Variants in LY86 observed in about 807,000 individuals in gnomAD.
LY86 encodes lymphocyte antigen 86, also known as MD-1, RP105-associated.
Under a neutral mutation model 17.3 loss-of-function variants are expected in LY86, and 20 were observed. The ratio of observed to expected loss-of-function variants is 1.15; its 90% CI spans 0.81 to 1.68. LY86 has a LOEUF of 1.68. Ranked by LOEUF, LY86 falls within the 40% of genes most tolerant of loss-of-function variation. The pLI, the probability that LY86 is intolerant of heterozygous loss-of-function variation, is 0.00. For synonymous variants in LY86, 74 were observed against 70.6 expected (o/e 1.05, Z -0.24); for missense variants, 200 against 191.9 (o/e 1.04, Z -0.25).
At chr6:6,652,201 G>A (rs1052435893) in intron 4 of LY86, among the ~76,000 whole-genome samples, 4 of 152,042 alleles carry the variant, frequency 2.6e-5, no homozygotes, top group Non-Finnish European at 4.4e-5. Flanking sequence ...TGCCCAGTGT[G>A]AGGGCATCGC....
At chr6:6,632,998 G>C (rs948506671) in intron 3 of LY86, among the ~76,000 whole-genome samples, 1 of 152,144 alleles carries the variant, frequency 6.6e-6, no homozygotes, top group Admixed American at 6.5e-5. Context: ...TTTATCAAGC[G>C]TTCAACACAT....
At chr6:6,605,462 G>A (rs776428378) in intron 1 of LY86, among the ~76,000 whole-genome samples, 5 of 152,216 alleles carry the variant, frequency 3.3e-5, no homozygotes, top group East Asian at 1.9e-4. Context: ...GGCTGTTACT[G>A]GAGTTCAAGT....
intron 4 of LY86, among the ~76,000 whole-genome samples, chr6:6,653,537 C>T (rs544213963): frequency 6.6e-6 from 1 of 152,194 alleles, no homozygotes; most frequent in South Asian, 2.1e-4. Context: ...GGCTCTTCTA[C>T]AGTCCTCATA....
chr6:6,604,893 T>C (rs1761048943), intron 1 of LY86, among the ~76,000 whole-genome samples: 1 of 150,776 alleles, frequency 6.6e-6, no homozygotes, highest in African/African-American at 2.4e-5. Flanking sequence ...AGTTATAGAC[T>C]GACAGCTGGC....
At chr6:6,634,457 A>G (rs1761935354) in intron 3 of LY86, among the ~76,000 whole-genome samples, 1 of 152,240 alleles carries the variant, frequency 6.6e-6, no homozygotes, top group African/African-American at 2.4e-5. Flanking sequence ...AGTCTGGCAT[A>G]ATATTGCCCA....
At chr6:6,598,912 C>T (rs1189566513) in intron 1 of LY86, among the ~76,000 whole-genome samples, 1 of 152,212 alleles carries the variant, frequency 6.6e-6, no homozygotes, top group Non-Finnish European at 1.5e-5. Flanking sequence ...ATTGACCTGT[C>T]TTTCCATTTG....
At chr6:6,609,226 T>A (rs113098053) in intron 1 of LY86, among the ~76,000 whole-genome samples, 2,637 of 152,228 alleles carry the variant, frequency 0.017, 83 homozygotes, top group African/African-American at 0.059. Context: ...CCTCCCTCCT[T>A]CCTGTCCAGG....
At chr6:6,589,207 T>C (rs1025780792) in intron 1 of LY86, among the ~76,000 whole-genome samples, 6 of 152,148 alleles carry the variant, frequency 3.9e-5, no homozygotes, top group African/African-American at 1.4e-4. Context: ...AGCTGAAAAT[T>C]AGGAAAAGCA....
chr6:6,635,965 C>T (rs1157196623), intron 3 of LY86, among the ~76,000 whole-genome samples: 4 of 152,334 alleles, frequency 2.6e-5, no homozygotes, highest in South Asian at 2.1e-4. Flanking sequence ...GCAGTGCTGC[C>T]GCTGGAGAGC....
At chr6:6,605,960 C>G (rs771758794) in intron 1 of LY86, among the ~76,000 whole-genome samples, 4 of 151,862 alleles carry the variant, frequency 2.6e-5, no homozygotes, top group Non-Finnish European at 4.4e-5. Flanking sequence ...ATAAAAGAAG[C>G]GTGGACCCAA....
intron 2 of LY86, among the ~76,000 whole-genome samples, chr6:6,625,775 G>A (rs946278215): frequency 2.0e-5 from 3 of 152,152 alleles, no homozygotes; most frequent in Non-Finnish European, 2.9e-5. Context: ...GAGAAAAAGC[G>A]AGAAAAGAGA....
At chr6:6,617,355 T>C (rs1761578142) in intron 1 of LY86, among the ~76,000 whole-genome samples, 1 of 152,154 alleles carries the variant, frequency 6.6e-6, no homozygotes, top group Non-Finnish European at 1.5e-5. Flanking sequence ...AAGATGGTGT[T>C]TAAAATGAAG....
chr6:6,610,047 A>T (rs1761291916), intron 1 of LY86, among the ~76,000 whole-genome samples: 1 of 152,122 alleles, frequency 6.6e-6, no homozygotes, highest in Admixed American at 6.6e-5. Flanking sequence ...CAGGCCTCCC[A>T]AAGTGTTGGA....
At chr6:6,617,972 C>G (rs2113130475) in intron 1 of LY86, among the ~76,000 whole-genome samples, 1 of 152,324 alleles carries the variant, frequency 6.6e-6, no homozygotes, top group African/African-American at 2.4e-5. Flanking sequence ...TTCTGAATAG[C>G]TGGGACTACA....
At chr6:6,653,900 C>A (rs1196208339) in intron 4 of LY86, among the ~76,000 whole-genome samples, 2 of 152,232 alleles carry the variant, frequency 1.3e-5, no homozygotes, top group African/African-American at 2.4e-5. Flanking sequence ...CATCTCTCAC[C>A]TGGATTCCTG....
rs368114113 is a variant in LY86, at chr6:6,602,926, ATTCAGGCTGCCATAAAAAAGTACT to A, written c.136+14059_136+14082del. Among the ~76,000 whole-genome samples the A allele has an allele frequency of 4.3e-3, 649 of 152,330 alleles. 4 individuals carry two copies. The highest frequency in any genetic ancestry group is 0.015 in the African/African-American group (607 of 41,566). The stretch of plus-strand genomic sequence containing the variant: ...AAAATTAATACTGGTGTCTTAGTTC[ATTCAGGCTGCCATAAAAAAGTACT>A]TTAGATCGTGTAACTCATAAACAAC... On this transcript the variant is annotated intron_variant, in intron 1 of 4. Coordinates refer to ENST00000230568, the MANE Select transcript of LY86 (RefSeq NM_004271.4).
intron 1 of LY86, among the ~76,000 whole-genome samples, chr6:6,616,409 T>C (rs916426451): frequency 1.4e-4 from 22 of 152,200 alleles, no homozygotes; most frequent in African/African-American, 5.3e-4. Flanking sequence ...CTGAGGGCCC[T>C]GGAGGCTGAG....
At chr6:6,601,878 A>G (rs184455632) in intron 1 of LY86, among the ~76,000 whole-genome samples, 1 of 152,270 alleles carries the variant, frequency 6.6e-6, no homozygotes, top group Admixed American at 6.5e-5. Context: ...AAAAGAAGCT[A>G]AAGTTCTTCA....
intron 1 of LY86, among the ~76,000 whole-genome samples, chr6:6,605,612 T>A (rs1381626910): frequency 6.6e-6 from 1 of 152,240 alleles, no homozygotes; most frequent in Non-Finnish European, 1.5e-5. Flanking sequence ...CATTGCAGCC[T>A]CATCTCAGAA....
Sources: allele counts gnomAD v4.1 joint callset (sites outside exome capture counted in the v4.1 genomes callset), GRCh38; gene constraint gnomAD v4.1.1; transcripts MANE v1.5; gene names NCBI Gene and HGNC (gene_info 2026-07-23, HGNC 2026-07-21).